EXOC4: variants seen among roughly 807,000 people sequenced by gnomAD.
The protein encoded by EXOC4 is SEC8-like 1.
A neutral mutation model predicts 107.2 loss-of-function variants in EXOC4; 71 were observed. That is an observed-to-expected ratio of 0.66 (90% CI 0.55 to 0.81). EXOC4 has a LOEUF of 0.81. EXOC4 is among the 30% of genes least tolerant of loss of function. EXOC4 has a pLI of 0.00. For missense variants in EXOC4, 1,108 were observed against 1,189.6 expected, an observed-to-expected ratio of 0.93 and a Z score of 1.01; for synonymous variants, 456 against 441.2, an observed-to-expected ratio of 1.03 and a Z score of -0.42.
At chr7:134,006,862 C>T (rs1794653175) in intron 16 of EXOC4, among the ~76,000 whole-genome samples, 1 of 152,174 alleles carries the variant, frequency 6.6e-6, no homozygotes, top group Non-Finnish European at 1.5e-5. Context: ...CAGTGTCTCT[C>T]AACTTAATTA....
chr7:133,777,740 G>C (rs374246502), intron 10 of EXOC4, among the ~76,000 whole-genome samples: 4 of 152,274 alleles, frequency 2.6e-5, no homozygotes, highest in African/African-American at 9.6e-5. Flanking sequence ...CTGTACTTTG[G>C]TTTCCTCATG....
chr7:133,334,055 T>C (rs569832060), intron 5 of EXOC4, among the ~76,000 whole-genome samples: 1 of 152,238 alleles, frequency 6.6e-6, no homozygotes, highest in Non-Finnish European at 1.5e-5. Context: ...GGTTATGTTA[T>C]TTATTTGCAA....
At chr7:133,428,461 G>A (rs1024257429) in intron 7 of EXOC4, among the ~76,000 whole-genome samples, 2 of 152,160 alleles carry the variant, frequency 1.3e-5, no homozygotes, top group African/African-American at 4.8e-5. Flanking sequence ...GAGTGATCAG[G>A]AAGAAGCAAT....
Position 133,328,555 on chromosome 7 carries a change from T to TTGGTAC in EXOC4, c.763+11170_763+11175dup, listed in dbSNP as rs1415743399. 4.0e-4 allele frequency among the ~76,000 whole-genome samples: 61 copies of TTGGTAC among 152,324 alleles called. 1 individual carries two copies. The highest frequency in any genetic ancestry group is 3.4e-3 in the Middle Eastern group (1 of 294). ...ACAGTTTGGTATGTTTTTGCAGTGG[T>TTGGTAC]TGGTACTGGTTATTCCTTTCCATTT... On this transcript the variant is annotated intron_variant, in intron 5 of 17. Coordinates refer to ENST00000253861, the MANE Select transcript of EXOC4 (RefSeq NM_021807.4).
chr7:133,419,858 G>A lies in EXOC4; in HGVS notation c.1182+44856G>A, dbSNP rs1396736577. Among the ~76,000 whole-genome samples, 4 of 152,160 alleles carry A rather than the reference G, an allele frequency of 2.6e-5. No individual in the cohort carries two copies. In the South Asian group the frequency reaches 6.2e-4, roughly 24 times the overall value. On this transcript the variant is annotated intron_variant, in intron 7 of 17. Transcript: ENST00000253861. ...TCTCTGTGGGACAGGAGTCTGGGAC[G>A]CTGAGATGGTTCCTCTGCTTCAGGG...
At chr7:133,278,447 G>C (rs930344735) in intron 2 of EXOC4, among the ~76,000 whole-genome samples, 4 of 152,156 alleles carry the variant, frequency 2.6e-5, no homozygotes, top group Non-Finnish European at 5.9e-5. Context: ...GGGACTTGCT[G>C]TTTTAGCTGG....
Position 133,852,225 on chromosome 7 carries a change from ATT to A in EXOC4, c.1734+34695_1734+34696del, listed in dbSNP as rs5887646. Among the ~76,000 whole-genome samples the A allele has an allele frequency of 2.2e-3, 310 of 141,792 alleles. 1 individual carries two copies. Among genetic ancestry groups the A allele is most frequent in the African/African-American group, 7.2e-3 (282 of 38,982 alleles). 93.0% of individuals were successfully genotyped at this position (141,792 alleles called of 152,430 possible). A position where few individuals can be genotyped will look rare whatever the true frequency, so the allele number is the denominator to read the frequency against. On this transcript the variant is annotated intron_variant, in intron 11 of 17. Coordinates refer to ENST00000253861, the MANE Select transcript of EXOC4 (RefSeq NM_021807.4). Reference sequence around the variant, plus strand: ...TGGCAATAAAGTCATTGTATAGAGCATTTTTTTTTTTTTTTGAGACGGAGTCT... The same window carrying A: ...TGGCAATAAAGTCATTGTATAGAGCATTTTTTTTTTTTTGAGACGGAGTCT...
intron 11 of EXOC4, among the ~76,000 whole-genome samples, chr7:133,888,033 A>G (rs1221486097): frequency 1.3e-5 from 2 of 152,146 alleles, no homozygotes; most frequent in African/African-American, 2.4e-5. Context: ...TTGGCTTCCT[A>G]TGAGGTTTGC....
Position 134,046,583 on chromosome 7 carries a change from G to A in EXOC4, c.2688-17708G>A, listed in dbSNP as rs1335985379. On this transcript the variant is annotated intron_variant, in intron 17 of 17. Coordinates refer to ENST00000253861, the MANE Select transcript of EXOC4 (RefSeq NM_021807.4). ...TTTTTTTTTCTGAGTTTGTTTCCTT[G>A]TGTTATCTATTAATACAGGTAGTAA... Among the ~76,000 whole-genome samples the A allele has an allele frequency of 2.8e-5, 4 of 144,228 alleles. No homozygotes were observed. The East Asian group carries it at 6.0e-4, about 22-fold the overall frequency. 94.6% of individuals were successfully genotyped at this position (144,228 alleles called of 152,430 possible).
chr7:133,965,905 T>C (rs570471983), intron 14 of EXOC4, among the ~76,000 whole-genome samples: 248 of 152,344 alleles, frequency 1.6e-3, no homozygotes, highest in African/African-American at 5.7e-3. Context: ...AATCTATGAA[T>C]TACTTTGGGC....
intron 6 of EXOC4, among the ~76,000 whole-genome samples, chr7:133,371,896 T>C (rs1173751289): frequency 6.6e-6 from 1 of 152,210 alleles, no homozygotes; most frequent in East Asian, 1.9e-4. Flanking sequence ...ACTGATACTT[T>C]TTATTGCTTT....
At chr7:133,931,790 A>G (rs1056579633) in intron 13 of EXOC4, among the ~76,000 whole-genome samples, 1 of 152,196 alleles carries the variant, frequency 6.6e-6, no homozygotes, top group Non-Finnish European at 1.5e-5. Context: ...CCCAGCCTCC[A>G]TAAGGGTGAT....
At chr7:134,059,004 G>A (rs184115931) in intron 17 of EXOC4, among the ~76,000 whole-genome samples, 37 of 152,254 alleles carry the variant, frequency 2.4e-4, no homozygotes, top group South Asian at 2.1e-4. Context: ...AGCATGAGAC[G>A]TAGCTGTATA....
intron 6 of EXOC4, among the ~76,000 whole-genome samples, chr7:133,362,012 C>T (rs953247452): frequency 1.7e-4 from 26 of 152,232 alleles, no homozygotes; most frequent in African/African-American, 6.0e-4. Context: ...TGTAGGAACT[C>T]TTTACATATA....
chr7:133,562,611 A>G (rs1277609651), intron 9 of EXOC4, among the ~76,000 whole-genome samples: 1 of 152,182 alleles, frequency 6.6e-6, no homozygotes, highest in Non-Finnish European at 1.5e-5. Context: ...AGACCTGGAA[A>G]TTTGCAATTA....
intron 7 of EXOC4, among the ~76,000 whole-genome samples, chr7:133,434,663 C>G (rs1797927509): frequency 6.6e-6 from 1 of 152,114 alleles, no homozygotes; most frequent in African/African-American, 2.4e-5. Flanking sequence ...AAACCAAGTA[C>G]CATACACCAT....
At chr7:133,445,901 A>C (rs1313142098) in intron 7 of EXOC4, among the ~76,000 whole-genome samples, 1 of 152,006 alleles carries the variant, frequency 6.6e-6, no homozygotes, top group Non-Finnish European at 1.5e-5. Flanking sequence ...CTGCAGTCCC[A>C]GCTACTCAAA....
intron 7 of EXOC4, among the ~76,000 whole-genome samples, chr7:133,391,383 G>T (rs1037292681): frequency 6.6e-6 from 1 of 152,174 alleles, no homozygotes; most frequent in African/African-American, 2.4e-5. Context: ...AAAAGCCAAC[G>T]CTATTTTTGG....
At chr7:133,558,103 T>G (rs570370865) in intron 9 of EXOC4, among the ~76,000 whole-genome samples, 25 of 152,346 alleles carry the variant, frequency 1.6e-4, no homozygotes, top group Non-Finnish European at 3.4e-4. Context: ...TGCTTTTTTA[T>G]TCCTTGATCA....
Sources: allele counts gnomAD v4.1 joint callset (sites outside exome capture counted in the v4.1 genomes callset), GRCh38; gene constraint gnomAD v4.1.1; transcripts MANE v1.5; gene names NCBI Gene and HGNC (gene_info 2026-07-23, HGNC 2026-07-21).